Variants in SLC13A3 observed in about 807,000 individuals in gnomAD.
SLC13A3 encodes the protein solute carrier family 13 member 3.
SLC13A3 carries 40 observed loss-of-function variants against 59.0 expected under a neutral mutation model. That is an observed-to-expected ratio of 0.68 (90% CI 0.53 to 0.88). The LOEUF (loss-of-function observed/expected upper bound fraction) is 0.88. SLC13A3 is among the 40% of genes least tolerant of loss of function. The pLI, the probability that SLC13A3 is intolerant of heterozygous loss-of-function variation, is 0.00. For missense variants in SLC13A3, 699 were observed against 783.2 expected, an observed-to-expected ratio of 0.89 and a Z score of 1.28; for synonymous variants, 317 against 330.3, an observed-to-expected ratio of 0.96 and a Z score of 0.44.
chr20:46,592,327 T>A, intron 6 of SLC13A3, 77 bp downstream of exon 6: 1 of 1,544,716 alleles, frequency 6.5e-7, no homozygotes, highest in Non-Finnish European at 8.8e-7. Context: ...ATCCTCAGTT[T>A]TCATAGGCAG....
chr20:46,613,516 G>A lies in SLC13A3; in HGVS notation c.321C>T (p.Asn107=), dbSNP rs1277247598. Residue 107 remains asparagine (N), a synonymous_variant, in exon 2 of 13, where the codon AAC becomes AAT. Transcript: ENST00000279027. ...TCTTGAGGGCGATTCGCCGGTGCAG[G>A]TTCCACTCCTCAATGGCGCTGGCCA... The part of the protein sequence containing the change: ...LIMASAIEEW[N]LHRRIALKIL... 3 of 1,613,270 alleles carry A rather than the reference G, an allele frequency of 1.9e-6. No homozygotes were observed. Among genetic ancestry groups the A allele is most frequent in the Non-Finnish European group, 8.5e-7 (1 of 1,179,576 alleles).
chr20:46,578,539 G>A (rs1406811806), intron 9 of SLC13A3, among the ~76,000 whole-genome samples: 2 of 151,994 alleles, frequency 1.3e-5, no homozygotes, highest in Non-Finnish European at 2.9e-5. Context: ...AGCCAGGCAT[G>A]GTGGTGGGTG....
At chr20:46,581,847 T>C (rs1462512279) in intron 9 of SLC13A3, among the ~76,000 whole-genome samples, 3 of 151,348 alleles carry the variant, frequency 2.0e-5, no homozygotes, top group East Asian at 3.9e-4. Context: ...ACAGAGGGAA[T>C]GATGAGAACA....
intron 8 of SLC13A3, chr20:46,584,453 G>A (rs1258372678): frequency 3.0e-6 from 3 of 985,244 alleles, no homozygotes; most frequent in Non-Finnish European, 3.6e-6. Flanking sequence ...GATTGTTCTG[G>A]CTCCAAGTTC....
At chr20:46,643,462 G>A (rs2062864893) in intron 1 of SLC13A3, among the ~76,000 whole-genome samples, 1 of 152,206 alleles carries the variant, frequency 6.6e-6, no homozygotes, top group Non-Finnish European at 1.5e-5. Flanking sequence ...GGGGCTGCAA[G>A]TGCAAAGGTC....
upstream of SLC13A3, among the ~76,000 whole-genome samples, chr20:46,656,337 CA>C (rs2062991525): frequency 9.2e-6 from 1 of 108,966 alleles, no homozygotes; most frequent in East Asian, 2.4e-4. Context: ...ATATACTATA[CA>C]GTATATATTA....
chr20:46,662,316 C>G (rs2063035565), intron 1 of SLC13A3, among the ~76,000 whole-genome samples: 1 of 152,116 alleles, frequency 6.6e-6, no homozygotes, highest in African/African-American at 2.4e-5. Context: ...ATACTAGAAC[C>G]AGAAGTGGAA....
chr20:46,577,857 C>A (rs796744590), intron 9 of SLC13A3, among the ~76,000 whole-genome samples: 27 of 152,318 alleles, frequency 1.8e-4, no homozygotes, highest in African/African-American at 6.3e-4. Flanking sequence ...CCTTTCTGAG[C>A]CTCGATTTCC....
chr20:46,640,114 C>T (rs2062832718), intron 1 of SLC13A3, among the ~76,000 whole-genome samples: 1 of 152,208 alleles, frequency 6.6e-6, no homozygotes, highest in Non-Finnish European at 1.5e-5. Flanking sequence ...GAGGTGCTGG[C>T]TGTGGCTCTT....
At chr20:46,659,239 C>T (rs773157935) in intron 1 of SLC13A3, among the ~76,000 whole-genome samples, 8 of 152,074 alleles carry the variant, frequency 5.3e-5, no homozygotes, top group Non-Finnish European at 8.8e-5. Context: ...TTCCTCTCTT[C>T]CTCCTCTCTT....
At chr20:46,646,136 C>T (rs1282760693) in intron 1 of SLC13A3, among the ~76,000 whole-genome samples, 7 of 152,146 alleles carry the variant, frequency 4.6e-5, no homozygotes, top group African/African-American at 1.7e-4. Context: ...GGTGCTCAAT[C>T]CGCAGAGCTG....
At chr20:46,632,744 A>C (rs987893646) in intron 1 of SLC13A3, among the ~76,000 whole-genome samples, 1 of 152,084 alleles carries the variant, frequency 6.6e-6, no homozygotes. Flanking sequence ...GGATTAAATA[A>C]GTTCACGTAG....
At chr20:46,661,745 T>C (rs2063031513) in intron 1 of SLC13A3, among the ~76,000 whole-genome samples, 1 of 152,160 alleles carries the variant, frequency 6.6e-6, no homozygotes, top group Admixed American at 6.5e-5. Context: ...CTTTTCACTA[T>C]AAGCTTCTGA....
chr20:46,643,230 A>G (rs1187496372), intron 1 of SLC13A3, among the ~76,000 whole-genome samples: 3 of 151,174 alleles, frequency 2.0e-5, no homozygotes, highest in Non-Finnish European at 4.4e-5. Flanking sequence ...ATAATGCACC[A>G]GCAGATACAT....
chr20:46,613,421 C>T (rs1207024191), intron 2 of SLC13A3, 39 bp downstream of exon 2: 1 of 1,520,534 alleles, frequency 6.6e-7, no homozygotes, highest in Non-Finnish European at 8.8e-7. Context: ...GGTCCCTCTG[C>T]CTCTCCGCTG....
In SLC13A3 at chr20:46,566,352, G is replaced by T; in HGVS notation, c.1371C>A (p.His457Gln). The T allele has an allele frequency of 6.2e-7, 1 of 1,612,634 alleles. No individual in the cohort carries two copies. The change falls in exon 11 of 13, where the codon CAC becomes CAA. Residue 457 changes from histidine (H) to glutamine (Q), a missense_variant. Coordinates refer to ENST00000279027, the MANE Select transcript of SLC13A3 (RefSeq NM_022829.6). Reference protein sequence around the residue: ...GLSVWIGGQLHPLENVPPALA... With the variant: ...GLSVWIGGQLQPLENVPPALA... Reference sequence around the variant, plus strand: ...GGGCGGGGGGCACATTCTCCAGGGGGTGCAGCTGCCCACCAATCCATACAG... The same window carrying T: ...GGGCGGGGGGCACATTCTCCAGGGGTTGCAGCTGCCCACCAATCCATACAG...
At chr20:46,634,135 G>A (rs1315999632) in intron 1 of SLC13A3, among the ~76,000 whole-genome samples, 3 of 152,218 alleles carry the variant, frequency 2.0e-5, no homozygotes, top group Non-Finnish European at 4.4e-5. Flanking sequence ...TACAGTAATT[G>A]TGTCTTCAGC....
chr20:46,672,361 C>T (rs2063097859), upstream of SLC13A3, among the ~76,000 whole-genome samples: 1 of 152,258 alleles, frequency 6.6e-6, no homozygotes, highest in Non-Finnish European at 1.5e-5. Context: ...CCCATGGCAA[C>T]AGGAGTATGG....
At chr20:46,583,095 G>T in intron 9 of SLC13A3, 5 of 984,914 alleles carry the variant, frequency 5.1e-6, no homozygotes, top group Non-Finnish European at 6.0e-6. Context: ...TTCTGCAAAG[G>T]ACAAGAAAAA....
Sources: gnomAD v4.1 joint callset for allele counts (sites outside exome capture counted in the v4.1 genomes callset) on GRCh38, gnomAD v4.1.1 for gene constraint, MANE v1.5 for transcripts, NCBI Gene and HGNC (gene_info 2026-07-23, HGNC 2026-07-21) for gene names.